Variants in SLFN12 observed in about 807,000 individuals in gnomAD.
SLFN12 encodes the protein ribonuclease SLFN12.
SLFN12 carries 25 observed loss-of-function variants against 29.1 expected under a neutral mutation model. The ratio of observed to expected loss-of-function variants is 0.86; its 90% CI spans 0.63 to 1.20. The LOEUF (loss-of-function observed/expected upper bound fraction) is 1.20. SLFN12 is among the 50% of genes most tolerant of loss of function. The pLI is 0.00. For missense variants in SLFN12, 660 were observed against 666.2 expected, an observed-to-expected ratio of 0.99 and a Z score of 0.10; for synonymous variants, 257 against 238.7, an observed-to-expected ratio of 1.08 and a Z score of -0.71.
Position 35,411,510 on chromosome 17 carries a change from T to C in SLFN12, c.1565A>G (p.Tyr522Cys), listed in dbSNP as rs1372729599. ...CAAGTATTTCCTTCTTGTAAAATAGTAGGATTCAGGGTAAATTACTTGCGA... is the reference window on the plus strand; with the variant it reads ...CAAGTATTTCCTTCTTGTAAAATAGCAGGATTCAGGGTAAATTACTTGCGA... Reference protein sequence around the residue: ...LRSQVIYPESYYFTRRKYLLK... With the variant: ...LRSQVIYPESCYFTRRKYLLK... The change falls in exon 4 of 4, where the codon TAC (tyrosine) becomes TGC (cysteine). Residue 522 changes from tyrosine to cysteine, a missense_variant. Tyr to Cys is a radical substitution (Grantham distance 194). Coordinates refer to ENST00000304905, the MANE Select transcript of SLFN12 (RefSeq NM_018042.5). 2 of 1,613,932 alleles carry C rather than the reference T, an allele frequency of 1.2e-6. No individual in the cohort carries two copies. Among genetic ancestry groups the C allele is most frequent in the Non-Finnish European group, 1.7e-6 (2 of 1,180,006 alleles).
rs768946633 is a variant in SLFN12 at position 35,411,537 on chromosome 17, C to A, written c.1538G>T (p.Arg513Met). 8 of 1,613,932 alleles carry A rather than the reference C, an allele frequency of 5.0e-6. No individual in the cohort carries two copies. Residue 513 changes from arginine (R) to methionine (M), a missense_variant, in exon 4 of 4, where the codon AGG becomes ATG. By Grantham distance (91) the Arg-to-Met change is moderately conservative. Transcript: ENST00000304905. ...EGMTSCQYDL[R>M]SQVIYPESYY... ...GGATTCAGGGTAAATTACTTGCGAC[C>A]TTAAATCATACTGGCAGCTTGTCAT...
intron 3 of SLFN12, among the ~76,000 whole-genome samples, chr17:35,416,173 A>G (rs1351869055): frequency 6.6e-6 from 1 of 152,188 alleles, no homozygotes. Context: ...GCTATCAGTC[A>G]TAAAAAGGAA....
At chr17:35,421,596 G>A (rs536574014) in intron 2 of SLFN12, among the ~76,000 whole-genome samples, 10 of 135,740 alleles carry the variant, frequency 7.4e-5, no homozygotes, top group African/African-American at 2.5e-4. Flanking sequence ...CTGGAGTGCA[G>A]TGGCGCAATC....
chr17:35,427,727 A>G (rs1226420955), intron 1 of SLFN12, among the ~76,000 whole-genome samples: 1 of 152,210 alleles, frequency 6.6e-6, no homozygotes, highest in Non-Finnish European at 1.5e-5. Flanking sequence ...GTATTAATGT[A>G]CCATTATTTA....
At position 35,415,397 on chromosome 17, in the gene SLFN12, A is replaced by G. The variant is rs573822535; in HGVS notation, c.1148-3470T>C. On this transcript the variant is annotated intron_variant, in intron 3 of 3. Transcript: ENST00000304905. ...ATCAAAGACTTAAATCTAAGACCTG[A>G]AACCATAAAAATTCTACAAGATAAC... is the stretch of plus-strand genomic sequence containing the variant. Among the ~76,000 whole-genome samples, 9 of 152,288 alleles carry G rather than the reference A, an allele frequency of 5.9e-5. No homozygotes were observed. In the South Asian group the frequency reaches 1.9e-3, roughly 32 times the overall value.
chr17:35,422,797 C>T lies in SLFN12; in HGVS notation c.232G>A (p.Asp78Asn). 6.2e-7 allele frequency: 1 copy of T among 1,613,784 alleles called. No individual in the cohort carries two copies. The highest frequency in any genetic ancestry group is 8.5e-7 in the Non-Finnish European group (1 of 1,179,816). ...YSYTKDGIGLDLENSFSNILL... is the reference protein window; with the variant it reads ...YSYTKDGIGLNLENSFSNILL... ...ATGTTACTAAAAGAATTTTCCAAAT[C>T]TAGTCCTATTCCATCTTTTGTATAA... The change falls in exon 2 of 4, where the codon GAT becomes AAT. Residue 78 changes from aspartate (D) to asparagine (N), a missense_variant. Transcript: ENST00000304905.
At chr17:35,414,210 G>A (rs953896966) in intron 3 of SLFN12, among the ~76,000 whole-genome samples, 1 of 152,004 alleles carries the variant, frequency 6.6e-6, no homozygotes, top group African/African-American at 2.4e-5. Flanking sequence ...CCCACAATGT[G>A]AACTTATATA....
At chr17:35,412,217 A>C (rs958775813) in intron 3 of SLFN12, among the ~76,000 whole-genome samples, 14 of 152,252 alleles carry the variant, frequency 9.2e-5, no homozygotes, top group Admixed American at 8.5e-4. Flanking sequence ...ACCCAAGGAG[A>C]AATCATCAGT....
intron 3 of SLFN12, among the ~76,000 whole-genome samples, chr17:35,418,299 C>A (rs1911432824): frequency 6.6e-6 from 1 of 152,034 alleles, no homozygotes. Context: ...GACCCTTGAA[C>A]AACATGGGTT....
At chr17:35,413,604 C>A (rs1911157022) in intron 3 of SLFN12, among the ~76,000 whole-genome samples, 1 of 151,726 alleles carries the variant, frequency 6.6e-6, no homozygotes, top group African/African-American at 2.4e-5. Context: ...AGAAAATTAG[C>A]CAGAAATGGT....
At position 35,420,284 on chromosome 17, in the gene SLFN12, A is replaced by T. The variant is rs1435224188; in HGVS notation, c.1137T>A (p.His379Gln). The change falls in exon 3 of 4, where the codon CAT becomes CAA. Residue 379 changes from histidine (H) to glutamine (Q), a missense_variant. By Grantham distance (24) the His-to-Gln change is conservative. Coordinates refer to ENST00000304905, the MANE Select transcript of SLFN12 (RefSeq NM_018042.5). Reference sequence around the variant, plus strand: ...CCAGAATGAAATTACCTGGACAGTGATGTCTCTGCCGTTGCCATTCCAAAA... The same window carrying T: ...CCAGAATGAAATTACCTGGACAGTGTTGTCTCTGCCGTTGCCATTCCAAAA... ...WPLLEWQRQR[H>Q]HCPGLSGRIT... 8 of 1,611,446 alleles carry T rather than the reference A, an allele frequency of 5.0e-6. No homozygotes were observed. The highest frequency in any genetic ancestry group is 8.5e-7 in the Non-Finnish European group (1 of 1,177,910).
At chr17:35,418,509 C>G (rs557556758) in intron 3 of SLFN12, among the ~76,000 whole-genome samples, 7 of 152,042 alleles carry the variant, frequency 4.6e-5, no homozygotes, top group Non-Finnish European at 8.8e-5. Context: ...TTTCTTTTCT[C>G]TAGCTTACTT....
intron 1 of SLFN12, 69 bp from the exon 2 acceptor site, chr17:35,423,137 C>T: frequency 6.1e-6 from 9 of 1,480,214 alleles, no homozygotes; most frequent in South Asian, 2.8e-5. Context: ...TATTATGAGG[C>T]AAATGCAAAA....
rs1219120969 is a variant in SLFN12, at chr17:35,422,557, A to G, written c.472T>C (p.Leu158=). Residue 158 remains leucine, a synonymous_variant, in exon 2 of 4, where the codon TTA becomes CTA. Transcript: ENST00000304905. Reference sequence around the variant, plus strand: ...CTCTTTGCCAGCAATTCTGGTCTTAAATACAATCTCCCTCTAGTCTTTTTC... The same window carrying G: ...CTCTTTGCCAGCAATTCTGGTCTTAGATACAATCTCCCTCTAGTCTTTTTC... The part of the protein sequence containing the change: ...DMKKTRGRLY[L]RPELLAKRPC... 1.1e-5 allele frequency: 18 copies of G among 1,613,998 alleles called. No individual in the cohort carries two copies. The Admixed American group carries it at 3.0e-4, about 27-fold the overall frequency.
chr17:35,411,622 C>G lies in SLFN12; in HGVS notation c.1453G>C (p.Gly485Arg). 1.2e-6 allele frequency: 2 copies of G among 1,614,042 alleles called. No homozygotes were observed. The highest frequency in any genetic ancestry group is 1.7e-6 in the Non-Finnish European group (2 of 1,180,004). The change falls in exon 4 of 4, where the codon GGT (glycine) becomes CGT (arginine). Residue 485 changes from glycine to arginine, a missense_variant. Gly to Arg is a moderately radical substitution (Grantham distance 125). Coordinates refer to ENST00000304905, the MANE Select transcript of SLFN12 (RefSeq NM_018042.5). ...ACACACACTTTTTTAGTGTAACCAC[C>G]AATTTTTGCCAGCTTCTGCTTTAAG... ...LTLKQKLAKI[G>R]GYTKKVCVMT... is the part of the protein sequence containing the mutation.
At chr17:35,421,570 C>T (rs1346553326) in intron 2 of SLFN12, among the ~76,000 whole-genome samples, 4 of 120,422 alleles carry the variant, frequency 3.3e-5, no homozygotes, top group Middle Eastern at 0.014. Flanking sequence ...GATGGAGTCT[C>T]GCTCTGTTGC....
chr17:35,425,960 T>C (rs900077901), intron 1 of SLFN12, among the ~76,000 whole-genome samples: 3 of 151,006 alleles, frequency 2.0e-5, no homozygotes, highest in African/African-American at 7.3e-5. Flanking sequence ...CATCTCTTTT[T>C]ATCTCTTGTC....
chr17:35,411,909 G>T lies in SLFN12; in HGVS notation c.1166C>A (p.Thr389Lys). The change falls in exon 4 of 4, where the codon ACG becomes AAG. Residue 389 changes from threonine (T) to lysine (K), a missense_variant. Transcript: ENST00000304905. The stretch of plus-strand genomic sequence containing the variant: ...TCTGCAAAGGTTTTCTGGAGTATAC[G>T]TTATCCTTCCTGATAGCCCTGAATA... ...HHCPGLSGRI[T>K]YTPENLCRKL... is the part of the protein sequence containing the mutation. 6.2e-7 allele frequency: 1 copy of T among 1,602,568 alleles called. No homozygotes were observed. Among genetic ancestry groups the T allele is most frequent in the South Asian group, 1.1e-5 (1 of 89,732 alleles).
At chr17:35,426,386 G>C (rs1347178208) in intron 1 of SLFN12, among the ~76,000 whole-genome samples, 1 of 151,914 alleles carries the variant, frequency 6.6e-6, no homozygotes, top group Admixed American at 6.6e-5. Flanking sequence ...CAATGTCTTG[G>C]ATCTTTTTCA....
Sources: allele counts gnomAD v4.1 joint callset (sites outside exome capture counted in the v4.1 genomes callset), GRCh38; gene constraint gnomAD v4.1.1; transcripts MANE v1.5; gene names NCBI Gene and HGNC (gene_info 2026-07-23, HGNC 2026-07-21).